Variants in ZNF676 observed in about 807,000 individuals in gnomAD.
The protein encoded by ZNF676 is zinc finger protein 676.
Under a neutral mutation model 6.0 loss-of-function variants are expected in ZNF676, and 4 were observed. The ratio of observed to expected loss-of-function variants is 0.67; its 90% CI spans 0.33 to 1.53. The LOEUF is 1.53. Ranked by LOEUF, ZNF676 falls within the 40% of genes most tolerant of loss-of-function variation. ZNF676 has a pLI of 0.06. For missense variants in ZNF676, 644 were observed against 679.7 expected, an observed-to-expected ratio of 0.95 and a Z score of 0.58; for synonymous variants, 198 against 223.1, an observed-to-expected ratio of 0.89 and a Z score of 1.00.
chr19:22,220,739 G>A (rs2024241051), upstream of ZNF676, among the ~76,000 whole-genome samples: 1 of 152,160 alleles, frequency 6.6e-6, no homozygotes, highest in Admixed American at 6.5e-5. Context: ...TTACAGGCAT[G>A]AGCCACTGAA....
chr19:22,233,389 A>G, the ZNF676 span, among the ~76,000 whole-genome samples: 2 of 152,060 alleles, frequency 1.3e-5, no homozygotes, highest in African/African-American at 4.8e-5. Context: ...TGTTTTGTAT[A>G]CATTGTAATC....
At chr19:22,184,878 T>G (rs185648876) in intron 2 of ZNF676, among the ~76,000 whole-genome samples, 1 of 122,082 alleles carries the variant, frequency 8.2e-6, no homozygotes, top group African/African-American at 3.2e-5. Flanking sequence ...CGGGGGCATA[T>G]AGTAAAAACA....
rs2049352552 is a variant in ZNF676, at chr19:22,181,339, T to C, written c.378A>G (p.Ser126=). 6.2e-6 allele frequency: 10 copies of C among 1,613,650 alleles called. No homozygotes were observed. Among genetic ancestry groups the C allele is most frequent in the Non-Finnish European group, 6.8e-6 (8 of 1,179,770 alleles). Residue 126 remains serine, a synonymous_variant, in exon 3 of 3, where the codon TCA becomes TCG. Coordinates refer to ENST00000397121, the MANE Select transcript of ZNF676 (RefSeq NM_001001411.3). ...GCCTTATCTTATGTCTGTTTGAATT[T>C]GAACATTTATGAAAGACGTTTGCAT... ...GKYANVFHKC[S]NSNRHKIRHT...
intron 2 of ZNF676, among the ~76,000 whole-genome samples, chr19:22,190,074 A>G (rs1326039102): frequency 6.6e-6 from 1 of 152,202 alleles, no homozygotes; most frequent in African/African-American, 2.4e-5. Context: ...ATGCACATGT[A>G]TGTTTACTGC....
At chr19:22,199,616 T>C (rs935195327), upstream of ZNF676, among the ~76,000 whole-genome samples, 1 of 152,198 alleles carries the variant, frequency 6.6e-6, no homozygotes, top group Non-Finnish European at 1.5e-5. Context: ...TTATCTGTCA[T>C]TGATTTTTCA....
At chr19:22,234,958 GCA>G in the ZNF676 span, among the ~76,000 whole-genome samples, 1 of 120,724 alleles carries the variant, frequency 8.3e-6, no homozygotes, top group Non-Finnish European at 1.7e-5. Context: ...AAGAAAGAAA[GCA>G]AGAGAAAGAA....
chr19:22,245,524 T>C, the ZNF676 span, among the ~76,000 whole-genome samples: 6 of 119,248 alleles, frequency 5.0e-5, no homozygotes, highest in East Asian at 8.5e-4. Context: ...CCACCCCCAA[T>C]AGGCAGAGTA....
the ZNF676 span, among the ~76,000 whole-genome samples, chr19:22,237,522 C>T: frequency 2.0e-5 from 3 of 152,228 alleles, no homozygotes; most frequent in African/African-American, 7.2e-5. Context: ...CTCTAGGGGG[C>T]CGCTGGGACT....
At chr19:22,257,960 C>A in the ZNF676 span, among the ~76,000 whole-genome samples, 1 of 152,168 alleles carries the variant, frequency 6.6e-6, no homozygotes, top group Non-Finnish European at 1.5e-5. Context: ...AGAGTCACAT[C>A]ATGTAGGAGC....
the ZNF676 span, chr19:22,244,180 A>T: frequency 4.0e-5 from 6 of 151,784 alleles, no homozygotes; most frequent in African/African-American, 1.5e-4. Flanking sequence ...AGTAGCTGGG[A>T]TTACAGGCAC....
exon 1 of ZNF676, chr19:22,215,659 C>A (rs2024176752): frequency 1.9e-6 from 3 of 1,608,514 alleles, no homozygotes; most frequent in Non-Finnish European, 1.7e-6. Flanking sequence ...GGGGTCCTGG[C>A]GACTTAGTTG....
the ZNF676 span, among the ~76,000 whole-genome samples, chr19:22,234,962 GAGAAAGAAAGAAAGAAAGAAAGAAAGAA>G: frequency 1.9e-3 from 196 of 101,346 alleles, 4 homozygotes; most frequent in South Asian, 0.013. Context: ...AAGAAAGCAA[GAGAAAGAAAGAAAGAAAGAAAGAAAGAA>G]AGAAAGAAAG....
chr19:22,251,911 CTTATT>C, the ZNF676 span, among the ~76,000 whole-genome samples: 1 of 151,934 alleles, frequency 6.6e-6, no homozygotes, highest in Non-Finnish European at 1.5e-5. Flanking sequence ...GATAATTTTA[CTTATT>C]TTACTTTACT....
upstream of ZNF676, among the ~76,000 whole-genome samples, chr19:22,217,207 ATATT>A (rs1163216260): frequency 6.6e-6 from 1 of 151,588 alleles, no homozygotes; most frequent in Non-Finnish European, 1.5e-5. Flanking sequence ...TTTTTTAATT[ATATT>A]TATTTATTGA....
the ZNF676 span, among the ~76,000 whole-genome samples, chr19:22,227,491 G>A: frequency 6.6e-6 from 1 of 152,116 alleles, no homozygotes; most frequent in Admixed American, 6.6e-5. Flanking sequence ...GCTGGCAGAA[G>A]ACAAGAAATA....
chr19:22,209,385 A>G (rs957029708), intron 1 of ZNF676, among the ~76,000 whole-genome samples: 14 of 152,054 alleles, frequency 9.2e-5, no homozygotes, highest in African/African-American at 3.4e-4. Context: ...GGAGATCACT[A>G]TTCTTAGAAA....
intron 2 of ZNF676, among the ~76,000 whole-genome samples, chr19:22,182,593 A>AAAAAAAAAAAAAAAAAC (rs1356303631): frequency 0.011 from 966 of 90,560 alleles, 21 homozygotes; most frequent in African/African-American, 0.025. Flanking sequence ...TCTAAAAAAA[A>AAAAAAAAAAAAAAAAAC]AAAAAAAAAG....
chr19:22,190,226 C>T (rs751357407), intron 2 of ZNF676, among the ~76,000 whole-genome samples: 34 of 151,940 alleles, frequency 2.2e-4, no homozygotes, highest in East Asian at 7.7e-4. Flanking sequence ...TGCAGGGACA[C>T]GGATGAAGCT....
intron 2 of ZNF676, among the ~76,000 whole-genome samples, chr19:22,190,628 A>AATAT (rs1568528737): frequency 7.9e-5 from 2 of 25,288 alleles, no homozygotes; most frequent in African/African-American, 1.7e-4. Context: ...AATAGAATGC[A>AATAT]ACATATATAT....
Sources: allele counts gnomAD v4.1 joint callset (sites outside exome capture counted in the v4.1 genomes callset), GRCh38; gene constraint gnomAD v4.1.1; transcripts MANE v1.5; gene names NCBI Gene and HGNC (gene_info 2026-07-23, HGNC 2026-07-21).